The following ANP32A variants were observed in gnomAD, a reference collection of about 807,000 sequenced individuals.
ANP32A encodes acidic leucine-rich nuclear phosphoprotein 32 family member A.
In ANP32A, 1 loss-of-function variant was observed where a neutral mutation model predicts 33.9. The observed-to-expected ratio is 0.03, with a 90% CI of 0.01 to 0.14. ANP32A has a LOEUF of 0.14. Ranked by LOEUF, ANP32A falls within the 10% of genes least tolerant of loss-of-function variation. The probability of loss-of-function intolerance (pLI) is 1.00; values close to 1 mark genes in which losing one functional copy is unlikely to be tolerated. For missense variants in ANP32A, 155 were observed against 306.0 expected (o/e 0.51, Z 3.68); for synonymous variants, 115 against 120.5 (o/e 0.95, Z 0.30).
chr15:68,785,097 T>C (rs1329973902), intron 3 of ANP32A, among the ~76,000 whole-genome samples: 4 of 152,112 alleles, frequency 2.6e-5, no homozygotes, highest in Admixed American at 1.3e-4. Flanking sequence ...CCCTGTAAGG[T>C]AGAAATAATT....
At chr15:68,802,527 A>G (rs1213394221) in intron 1 of ANP32A, among the ~76,000 whole-genome samples, 2 of 152,334 alleles carry the variant, frequency 1.3e-5, no homozygotes, top group East Asian at 3.9e-4. Context: ...TGTGTAATAA[A>G]TAATTTTGCA....
intron 1 of ANP32A, among the ~76,000 whole-genome samples, chr15:68,809,571 A>C (rs1267281860): frequency 6.6e-6 from 1 of 152,216 alleles, no homozygotes; most frequent in African/African-American, 2.4e-5. Flanking sequence ...ACTGGGGCTC[A>C]GGTTCAAATT....
chr15:68,818,591 C>T (rs1894423087), intron 1 of ANP32A, among the ~76,000 whole-genome samples: 1 of 151,852 alleles, frequency 6.6e-6, no homozygotes, highest in South Asian at 2.1e-4. Context: ...AAATCGCTCC[C>T]AGTACGGCGC....
chr15:68,817,603 G>C (rs998190236), intron 1 of ANP32A: 1 of 152,278 alleles, frequency 6.6e-6, no homozygotes, highest in African/African-American at 2.4e-5. Flanking sequence ...AGTCCTTAAG[G>C]CCACATTTAA....
chr15:68,815,688 G>C (rs1369880924), intron 1 of ANP32A, among the ~76,000 whole-genome samples: 1 of 152,174 alleles, frequency 6.6e-6, no homozygotes, highest in African/African-American at 2.4e-5. Flanking sequence ...TGGACCCAAT[G>C]GACTATCCAA....
chr15:68,783,586 G>T (rs1185486349), intron 4 of ANP32A, among the ~76,000 whole-genome samples: 3 of 152,162 alleles, frequency 2.0e-5, no homozygotes, highest in Non-Finnish European at 4.4e-5. Flanking sequence ...ATTGAACAAA[G>T]AAAACCAAAA....
intron 1 of ANP32A, among the ~76,000 whole-genome samples, chr15:68,810,418 G>A (rs1241582832): frequency 6.6e-6 from 1 of 152,192 alleles, no homozygotes; most frequent in Admixed American, 6.5e-5. Context: ...TCATGAGTGT[G>A]TGTGTGTGGG....
At chr15:68,798,813 G>A (rs1238946062) in intron 1 of ANP32A, among the ~76,000 whole-genome samples, 3 of 152,174 alleles carry the variant, frequency 2.0e-5, no homozygotes, top group Admixed American at 6.5e-5. Context: ...AAGAAACCTC[G>A]ACCTTGGCCT....
intron 1 of ANP32A, among the ~76,000 whole-genome samples, chr15:68,802,833 T>TTTTTTTTTTTTTTTTTTTTTTTTGA (rs1894156580): frequency 6.6e-6 from 1 of 152,118 alleles, no homozygotes; most frequent in Non-Finnish European, 1.5e-5. Context: ...TTTATATTTT[T>TTTTTTTTTTTTTTTTTTTTTTTTGA]GGTAGAGACG....
At chr15:68,782,833 C>A in intron 5 of ANP32A, 123 bp downstream of exon 5, 1 of 1,472,608 alleles carries the variant, frequency 6.8e-7, no homozygotes, top group Non-Finnish European at 9.0e-7. Context: ...ACTCACTTCA[C>A]TACCCATCGG....
At chr15:68,790,622 T>C (rs1336088977) in intron 1 of ANP32A, 2 of 152,212 alleles carry the variant, frequency 1.3e-5, no homozygotes, top group Non-Finnish European at 2.9e-5. Context: ...TCTCGTTTAA[T>C]CCCCATAACC....
intron 1 of ANP32A, among the ~76,000 whole-genome samples, chr15:68,800,314 G>A (rs1363033934): frequency 3.3e-5 from 5 of 152,074 alleles, no homozygotes; most frequent in African/African-American, 1.2e-4. Context: ...ACTATGCTAG[G>A]TGTTAAAGAT....
chr15:68,793,085 G>C (rs1029143135), intron 1 of ANP32A, among the ~76,000 whole-genome samples: 3 of 152,104 alleles, frequency 2.0e-5, no homozygotes, highest in African/African-American at 7.2e-5. Flanking sequence ...GGGGCACCAA[G>C]GGCAGCTGCT....
chr15:68,813,489 T>A (rs990832733), intron 1 of ANP32A, among the ~76,000 whole-genome samples: 35 of 152,232 alleles, frequency 2.3e-4, no homozygotes, highest in African/African-American at 7.5e-4. Flanking sequence ...TGGGTATTTA[T>A]CATTTGTTGT....
At chr15:68,787,176 C>T (rs925817506) in intron 3 of ANP32A, 16 of 529,578 alleles carry the variant, frequency 3.0e-5, no homozygotes, top group South Asian at 2.0e-4. Flanking sequence ...TAGGGTTCTA[C>T]GCTACCCGTA....
At chr15:68,797,368 G>C (rs916147952) in intron 1 of ANP32A, among the ~76,000 whole-genome samples, 1 of 152,110 alleles carries the variant, frequency 6.6e-6, no homozygotes, top group African/African-American at 2.4e-5. Context: ...CGTTCTTGGT[G>C]ATCTTATTAC....
chr15:68,813,141 A>C (rs1269571193), intron 1 of ANP32A: 1 of 152,376 alleles, frequency 6.6e-6, no homozygotes, highest in South Asian at 2.1e-4. Flanking sequence ...TTGGTAAAGG[A>C]AACAGTAGCT....
intron 1 of ANP32A, among the ~76,000 whole-genome samples, chr15:68,815,617 TG>T (rs1429220464): frequency 6.6e-6 from 1 of 152,216 alleles, no homozygotes; most frequent in African/African-American, 2.4e-5. Flanking sequence ...CTCCTGTGAT[TG>T]GGGTGGAGCC....
intron 1 of ANP32A, among the ~76,000 whole-genome samples, chr15:68,814,077 G>T (rs1427810766): frequency 6.6e-6 from 1 of 152,014 alleles, no homozygotes; most frequent in African/African-American, 2.4e-5. Flanking sequence ...CACCGTGTTA[G>T]CCAGGATGGT....
Sources: allele counts gnomAD v4.1 joint callset (sites outside exome capture counted in the v4.1 genomes callset), GRCh38; gene constraint gnomAD v4.1.1; transcripts MANE v1.5; gene names NCBI Gene and HGNC (gene_info 2026-07-23, HGNC 2026-07-21).